Variants in ITGAV observed in about 807,000 individuals in gnomAD.
ITGAV encodes integrin subunit alpha V, also known as integrin alpha-V.
Under a neutral mutation model 143.8 loss-of-function variants are expected in ITGAV, and 76 were observed. The observed-to-expected ratio is 0.53, with a 90% confidence interval of 0.44 to 0.64. The LOEUF (loss-of-function observed/expected upper bound fraction) is 0.64, where lower values mean the gene tolerates loss of function less well. ITGAV is among the 30% of genes least tolerant of loss of function. ITGAV has a pLI of 0.00. For synonymous variants in ITGAV, 453 were observed against 446.7 expected (o/e 1.01, Z -0.18); for missense variants, 1,193 against 1,274.7 (o/e 0.94, Z 0.98).
intron 26 of ITGAV, 88 bp from the exon 27 acceptor site, chr2:186,675,516 C>T: frequency 1.1e-6 from 1 of 897,206 alleles, no homozygotes; most frequent in Non-Finnish European, 1.8e-6. Context: ...TTGGCCATCA[C>T]ACAAAAAGAA....
At position 186,649,893 on chromosome 2, in the gene ITGAV, T is replaced by TAAAAA; in HGVS notation, c.1397+8_1397+9insAAAAA. On this transcript the variant is annotated intron_variant, in intron 14 of 29. Transcript: ENST00000261023. ...TCGAGCTATCTTATACAGGTGAGCA[T>TAAAAA]TTTCTGTATCCTGCGGTATAGGAAT... 1 of 1,471,360 alleles carries TAAAAA rather than the reference T, an allele frequency of 6.8e-7. No individual in the cohort carries two copies. The highest frequency in any genetic ancestry group is 9.1e-7 in the Non-Finnish European group (1 of 1,102,040). 91.1% of individuals were successfully genotyped at this position (1,471,360 alleles called of 1,614,324 possible). A position where few individuals can be genotyped will look rare whatever the true frequency, so the allele number is the denominator to read the frequency against.
chr2:186,602,693 A>G (rs1362712861), intron 2 of ITGAV, among the ~76,000 whole-genome samples: 5 of 152,292 alleles, frequency 3.3e-5, no homozygotes, highest in East Asian at 3.9e-4. Flanking sequence ...CCTGACCAAC[A>G]TGGTGAAACC....
At chr2:186,649,066 A>G (rs1358938409) in intron 13 of ITGAV, among the ~76,000 whole-genome samples, 3 of 143,148 alleles carry the variant, frequency 2.1e-5, no homozygotes, top group Non-Finnish European at 4.6e-5. Flanking sequence ...ACTTCTGTGA[A>G]TTTCCTTTTT....
At chr2:186,600,363 T>G in intron 1 of ITGAV, 1 of 1,515,962 alleles carries the variant, frequency 6.6e-7, no homozygotes. Flanking sequence ...CTTCTGATCC[T>G]GTACATCTTA....
chr2:186,670,878 C>T (rs1010209058), intron 26 of ITGAV, among the ~76,000 whole-genome samples: 2 of 152,164 alleles, frequency 1.3e-5, no homozygotes, highest in Non-Finnish European at 2.9e-5. Context: ...AATATATACC[C>T]TTGGGTTTTC....
chr2:186,625,860 T>G (rs761483793), intron 4 of ITGAV, among the ~76,000 whole-genome samples: 1 of 152,126 alleles, frequency 6.6e-6, no homozygotes, highest in Non-Finnish European at 1.5e-5. Flanking sequence ...TCTGTATTTT[T>G]GATGACTAAC....
chr2:186,645,939 T>C (rs973005132), intron 12 of ITGAV, among the ~76,000 whole-genome samples: 2 of 151,964 alleles, frequency 1.3e-5, no homozygotes, highest in African/African-American at 4.8e-5. Context: ...GCCACTGCAC[T>C]CCAGCCTGGG....
chr2:186,659,170 C>T lies in ITGAV; in HGVS notation c.1852C>T (p.Arg618Ter), dbSNP rs778721113. 9 of 1,602,232 alleles carry T rather than the reference C, an allele frequency of 5.6e-6. No homozygotes were observed. The highest frequency in any genetic ancestry group is 1.3e-5 in the African/African-American group (1 of 74,410). Residue 618 changes from arginine (R) to a stop codon, truncating the protein, a stop_gained, in exon 18 of 30, where the codon CGA becomes TGA. Transcript: ENST00000261023. LOFTEE classifies it high-confidence loss of function. ...LNQFTPANIS[R>*]QAHILLDCGE... ...CCAGTTCACGCCTGCTAACATTAGT[C>T]GACAGGTACTGTACTCAGTTTACCA...
chr2:186,629,488 AC>A (rs1050915550), intron 4 of ITGAV, among the ~76,000 whole-genome samples: 2 of 151,396 alleles, frequency 1.3e-5, no homozygotes, highest in Non-Finnish European at 2.9e-5. Context: ...GATGCTGGAA[AC>A]CCCTGCCCCA....
chr2:186,670,186 G>C (rs1331782841), intron 26 of ITGAV, among the ~76,000 whole-genome samples: 2 of 152,136 alleles, frequency 1.3e-5, no homozygotes, highest in African/African-American at 2.4e-5. Context: ...AACCTTTGTT[G>C]AGTTAGCCTA....
chr2:186,602,800 C>T (rs1273204682), intron 2 of ITGAV, among the ~76,000 whole-genome samples: 1 of 151,518 alleles, frequency 6.6e-6, no homozygotes, highest in Admixed American at 6.6e-5. Context: ...TCTCTTGAAC[C>T]TGGGAGGTGG....
chr2:186,662,210 A>G (rs1463695820), intron 18 of ITGAV, among the ~76,000 whole-genome samples: 4 of 152,214 alleles, frequency 2.6e-5, no homozygotes. Context: ...TGTTATCTGT[A>G]AAGTCCACAC....
At chr2:186,634,724 A>AT (rs1164275298) in intron 6 of ITGAV, among the ~76,000 whole-genome samples, 21 of 152,220 alleles carry the variant, frequency 1.4e-4, no homozygotes, top group Non-Finnish European at 2.5e-4. Context: ...AAAAATTATA[A>AT]TTGAGTTTTA....
chr2:186,669,859 T>C lies in ITGAV; in HGVS notation c.2706+45T>C, dbSNP rs201895896. On this transcript the variant is annotated intron_variant, in intron 26 of 29. Transcript: ENST00000261023. ...TGTGCACCATAGACATTTAAAAATA[T>C]GTGACTATAGAACTGACGCCAAAGA... 2.1e-5 allele frequency: 27 copies of C among 1,279,368 alleles called. No homozygotes were observed. The South Asian group carries it at 2.9e-4, about 14-fold the overall frequency. The allele number at this position is 1,279,368 out of a possible 1,614,324, so 79.3% of individuals were successfully genotyped here.
At chr2:186,636,650 C>G (rs928610198) in intron 7 of ITGAV, among the ~76,000 whole-genome samples, 1 of 152,172 alleles carries the variant, frequency 6.6e-6, no homozygotes, top group Admixed American at 6.5e-5. Flanking sequence ...CTGAAGTTTT[C>G]TTCATGATGT....
intron 1 of ITGAV, among the ~76,000 whole-genome samples, chr2:186,601,338 G>A (rs1686897963): frequency 1.3e-5 from 2 of 152,056 alleles, no homozygotes; most frequent in Non-Finnish European, 2.9e-5. Context: ...GCATATGCCT[G>A]TAGTTCTACC....
intron 8 of ITGAV, among the ~76,000 whole-genome samples, 193 bp from the exon 9 acceptor site, chr2:186,638,084 T>C (rs1436966258): frequency 6.6e-6 from 1 of 152,242 alleles, no homozygotes; most frequent in Non-Finnish European, 1.5e-5. Flanking sequence ...CTCCAGAATT[T>C]GTATTTTGTA....
At chr2:186,610,831 A>G (rs1259955259) in intron 2 of ITGAV, among the ~76,000 whole-genome samples, 1 of 152,222 alleles carries the variant, frequency 6.6e-6, no homozygotes, top group East Asian at 1.9e-4. Flanking sequence ...ATTCCAAACT[A>G]TAATAGATTG....
chr2:186,590,556 C>T (rs770998083), intron 1 of ITGAV, 33 bp downstream of exon 1: 2 of 1,570,198 alleles, frequency 1.3e-6, no homozygotes, highest in African/African-American at 1.4e-5. Flanking sequence ...GGAGCCGGCC[C>T]CCTCCCCCAC....
Sources: allele counts gnomAD v4.1 joint callset (sites outside exome capture counted in the v4.1 genomes callset), GRCh38; gene constraint gnomAD v4.1.1; transcripts MANE v1.5; gene names NCBI Gene and HGNC (gene_info 2026-07-23, HGNC 2026-07-21).